The following PTPRD variants were observed in gnomAD, a reference collection of about 807,000 sequenced individuals.
PTPRD encodes protein tyrosine phosphatase receptor type D, also known as receptor-type tyrosine-protein phosphatase delta.
A neutral mutation model predicts 214.5 loss-of-function variants in PTPRD; 34 were observed. The observed-to-expected ratio is 0.16, with a 90% confidence interval of 0.12 to 0.21. PTPRD has a LOEUF of 0.21. PTPRD is among the 10% of genes least tolerant of loss of function. The probability of loss-of-function intolerance (pLI) is 1.00; values close to 1 mark genes in which losing one functional copy is unlikely to be tolerated. For missense variants in PTPRD, 2,545 were observed against 2,398.7 expected, an observed-to-expected ratio of 1.06 and a Z score of -1.27; for synonymous variants, 1,128 against 845.7, an observed-to-expected ratio of 1.33 and a Z score of -5.79.
chr9:8,677,323 G>C (rs2097446352), intron 12 of PTPRD, among the ~76,000 whole-genome samples: 2 of 152,150 alleles, frequency 1.3e-5, no homozygotes, highest in South Asian at 4.1e-4. Context: ...TATACATGAG[G>C]AAATACTACC....
At chr9:9,531,760 T>G (rs1279056268) in intron 8 of PTPRD, among the ~76,000 whole-genome samples, 1 of 152,174 alleles carries the variant, frequency 6.6e-6, no homozygotes, top group Non-Finnish European at 1.5e-5. Flanking sequence ...CACCTATTTT[T>G]AATTCTCTTG....
intron 10 of PTPRD, among the ~76,000 whole-genome samples, chr9:9,040,066 T>C (rs909152352): frequency 1.3e-5 from 2 of 152,050 alleles, no homozygotes; most frequent in Non-Finnish European, 2.9e-5. Flanking sequence ...ATAAAACTAA[T>C]ATTTATTGAG....
chr9:10,572,844 A>G (rs112573536), intron 2 of PTPRD, among the ~76,000 whole-genome samples: 2 of 152,108 alleles, frequency 1.3e-5, no homozygotes, highest in Non-Finnish European at 2.9e-5. Flanking sequence ...GTGTCCATCC[A>G]CAGAGCTCAC....
chr9:9,567,972 C>T (rs898620666), intron 8 of PTPRD, among the ~76,000 whole-genome samples: 6 of 151,464 alleles, frequency 4.0e-5, no homozygotes, highest in African/African-American at 1.2e-4. Flanking sequence ...CTGGGTATCT[C>T]GTGCCTAGAT....
chr9:9,324,462 G>A (rs1303649228), intron 9 of PTPRD, among the ~76,000 whole-genome samples: 1 of 152,106 alleles, frequency 6.6e-6, no homozygotes, highest in Non-Finnish European at 1.5e-5. Context: ...ATTTTTTCAT[G>A]TGTCTGTTGG....
intron 2 of PTPRD, among the ~76,000 whole-genome samples, chr9:10,451,276 T>C (rs1588468271): frequency 6.6e-6 from 1 of 151,968 alleles, no homozygotes; most frequent in Admixed American, 6.5e-5. Context: ...ATTGTTACAA[T>C]TTATGAATTA....
At chr9:10,494,526 CTTGA>C (rs1475704119) in intron 2 of PTPRD, among the ~76,000 whole-genome samples, 1 of 151,262 alleles carries the variant, frequency 6.6e-6, no homozygotes, top group African/African-American at 2.4e-5. Context: ...GGTCAGATGA[CTTGA>C]TTAAGATGGT....
In PTPRD at chr9:10,309,808, A is replaced by AT. The variant is rs371497959; in HGVS notation, c.-545+31154dup. ...CAATTTAAACAAAAAAATTAGAACT[A>AT]TTTTTAAACGAAGAAACTTTAAGAA... On this transcript the variant is annotated intron_variant, in intron 3 of 45. Transcript: ENST00000381196. Among the ~76,000 whole-genome samples, 425 of 152,190 alleles carry AT rather than the reference A, an allele frequency of 2.8e-3. 3 individuals carry two copies. The highest frequency in any genetic ancestry group is 9.7e-3 in the African/African-American group (405 of 41,548).
At chr9:9,398,412 G>A (rs1406488236) in intron 8 of PTPRD, among the ~76,000 whole-genome samples, 1 of 152,000 alleles carries the variant, frequency 6.6e-6, no homozygotes, top group Non-Finnish European at 1.5e-5. Flanking sequence ...AATAGGAGAT[G>A]TCCAGAAGAT....
chr9:10,511,792 C>G (rs1288720743), intron 2 of PTPRD, among the ~76,000 whole-genome samples: 1 of 149,312 alleles, frequency 6.7e-6, no homozygotes, highest in Non-Finnish European at 1.5e-5. Context: ...CCCTTTACCA[C>G]ATGTCCTTTA....
intron 11 of PTPRD, among the ~76,000 whole-genome samples, chr9:8,908,979 A>T (rs955650259): frequency 6.7e-6 from 1 of 150,246 alleles, no homozygotes; most frequent in Non-Finnish European, 1.5e-5. Context: ...GTATAATTAC[A>T]TATGATATAA....
intron 5 of PTPRD, among the ~76,000 whole-genome samples, chr9:9,922,495 G>A (rs1210272552): frequency 1.3e-5 from 2 of 151,928 alleles, no homozygotes; most frequent in African/African-American, 4.8e-5. Flanking sequence ...CAGATCATCA[G>A]CAATGGAAGC....
chr9:10,506,817 C>T (rs891196429), intron 2 of PTPRD, among the ~76,000 whole-genome samples: 3 of 151,898 alleles, frequency 2.0e-5, no homozygotes, highest in Non-Finnish European at 4.4e-5. Context: ...TTTGGGTTTG[C>T]GTGATATTTC....
intron 3 of PTPRD, among the ~76,000 whole-genome samples, chr9:10,335,610 T>A (rs549510833): frequency 6.6e-6 from 1 of 150,864 alleles, no homozygotes; most frequent in Non-Finnish European, 1.5e-5. Flanking sequence ...TTCGTTAAAA[T>A]AAAAAATTCC....
At chr9:9,841,618 C>T (rs1005641045) in intron 5 of PTPRD, among the ~76,000 whole-genome samples, 4 of 152,066 alleles carry the variant, frequency 2.6e-5, no homozygotes, top group African/African-American at 7.2e-5. Flanking sequence ...TTCCTTTGCA[C>T]CATTAAAGAT....
At chr9:10,076,030 G>A (rs558021899) in intron 3 of PTPRD, among the ~76,000 whole-genome samples, 1 of 152,064 alleles carries the variant, frequency 6.6e-6, no homozygotes, top group Non-Finnish European at 1.5e-5. Context: ...CCTGACAAAG[G>A]TTATTAAATT....
At chr9:8,955,960 A>G (rs1378980084) in intron 11 of PTPRD, among the ~76,000 whole-genome samples, 4 of 151,862 alleles carry the variant, frequency 2.6e-5, no homozygotes, top group African/African-American at 4.8e-5. Context: ...ATTTATACCC[A>G]TTTGCTGAGT....
intron 7 of PTPRD, among the ~76,000 whole-genome samples, chr9:9,663,961 TC>T (rs1042286505): frequency 1.3e-5 from 2 of 151,280 alleles, no homozygotes; most frequent in African/African-American, 4.8e-5. Context: ...TAGAAATTCA[TC>T]CTATATAACA....
chr9:10,548,045 G>C (rs1477474133), intron 2 of PTPRD, among the ~76,000 whole-genome samples: 1 of 152,072 alleles, frequency 6.6e-6, no homozygotes, highest in Non-Finnish European at 1.5e-5. Context: ...AGCAGTTGCT[G>C]TGGGTGGAAA....
Sources: allele counts gnomAD v4.1 joint callset (sites outside exome capture counted in the v4.1 genomes callset), GRCh38; gene constraint gnomAD v4.1.1; transcripts MANE v1.5; gene names NCBI Gene and HGNC (gene_info 2026-07-23, HGNC 2026-07-21).